The following TFDP2 variants were observed in gnomAD, a reference collection of about 807,000 sequenced individuals.
TFDP2 encodes the protein transcription factor Dp-2 (E2F dimerization partner 2).
Under a neutral mutation model 59.3 loss-of-function variants are expected in TFDP2, and 17 were observed. The ratio of observed to expected loss-of-function variants is 0.29; its 90% CI spans 0.20 to 0.43. The LOEUF is 0.43. TFDP2 is among the 20% of genes least tolerant of loss of function. The probability of loss-of-function intolerance (pLI) is 1.00; values close to 1 mark genes in which losing one functional copy is unlikely to be tolerated. For synonymous variants in TFDP2, 180 were observed against 194.7 expected (o/e 0.92, Z 0.63); for missense variants, 391 against 528.8 (o/e 0.74, Z 2.56).
intron 4 of TFDP2, among the ~76,000 whole-genome samples, chr3:142,004,334 G>T (rs140304025): frequency 8.3e-4 from 127 of 152,312 alleles, no homozygotes; most frequent in African/African-American, 2.7e-3. Flanking sequence ...TATGTTAAAA[G>T]ATATCTTTGT....
intron 11 of TFDP2, 61 bp from the exon 12 acceptor site, chr3:141,953,077 AC>A: frequency 8.2e-7 from 1 of 1,224,086 alleles, no homozygotes; most frequent in Admixed American, 1.7e-5. Flanking sequence ...TGCTGTTGTT[AC>A]AGTCTGAGGA....
At chr3:142,106,902 C>A (rs1052933660) in intron 1 of TFDP2, among the ~76,000 whole-genome samples, 4 of 152,064 alleles carry the variant, frequency 2.6e-5, no homozygotes, top group Non-Finnish European at 5.9e-5. Flanking sequence ...GAAGAAAGCA[C>A]AAAGTTATGG....
At chr3:141,954,641 A>AC (rs968429219) in intron 11 of TFDP2, among the ~76,000 whole-genome samples, 7 of 151,728 alleles carry the variant, frequency 4.6e-5, no homozygotes, top group Non-Finnish European at 7.4e-5. Context: ...AACAAAAAAA[A>AC]ACAAAAAAAC....
At chr3:142,117,521 G>T (rs985510900) in intron 1 of TFDP2, among the ~76,000 whole-genome samples, 1 of 152,070 alleles carries the variant, frequency 6.6e-6, no homozygotes, top group East Asian at 1.9e-4. Context: ...AAAAGACTCT[G>T]TGAGAAAGAG....
chr3:141,995,883 C>CAAAAAAAAAAAAAAAA (rs146557075), intron 4 of TFDP2, among the ~76,000 whole-genome samples: 1 of 67,918 alleles, frequency 1.5e-5, no homozygotes, highest in Non-Finnish European at 3.1e-5. Flanking sequence ...AACTCCATTT[C>CAAAAAAAAAAAAAAAA]AAAAAAAAAA....
intron 3 of TFDP2, among the ~76,000 whole-genome samples, chr3:142,068,838 T>C (rs1057433694): frequency 6.6e-6 from 1 of 152,136 alleles, no homozygotes; most frequent in Admixed American, 6.6e-5. Flanking sequence ...GGATTATCAG[T>C]GTGAGCCACC....
intron 3 of TFDP2, among the ~76,000 whole-genome samples, chr3:142,062,653 G>A (rs1286919932): frequency 2.0e-5 from 3 of 152,006 alleles, no homozygotes; most frequent in Admixed American, 2.0e-4. Flanking sequence ...TGTATGCCCT[G>A]TAGAAATACG....
chr3:141,978,400 C>A (rs542903425), intron 7 of TFDP2, 120 bp downstream of exon 7: 2 of 1,046,208 alleles, frequency 1.9e-6, no homozygotes, highest in Admixed American at 6.4e-5. Context: ...AACAAAAAAT[C>A]CCCCAAAATA....
chr3:142,062,854 T>C (rs2108520377), intron 3 of TFDP2, among the ~76,000 whole-genome samples: 1 of 152,272 alleles, frequency 6.6e-6, no homozygotes, highest in South Asian at 2.1e-4. Flanking sequence ...TCACAACATC[T>C]TCTTAAGCAA....
At chr3:142,038,640 C>A (rs1189245303) in intron 3 of TFDP2, among the ~76,000 whole-genome samples, 1 of 151,964 alleles carries the variant, frequency 6.6e-6, no homozygotes, top group Admixed American at 6.6e-5. Flanking sequence ...TAGAAAAGCA[C>A]ACAGGAGGAA....
intron 3 of TFDP2, among the ~76,000 whole-genome samples, chr3:142,058,323 T>G (rs530000232): frequency 3.3e-5 from 5 of 152,000 alleles, no homozygotes; most frequent in Admixed American, 6.6e-5. Flanking sequence ...GTTTGGGTTT[T>G]TTTTTTTTTT....
Position 142,005,451 on chromosome 3 carries a change from C to T in TFDP2, c.176G>A (p.Gly59Glu). The T allele has an allele frequency of 6.2e-7, 1 of 1,604,598 alleles. No individual in the cohort carries two copies. The highest frequency in any genetic ancestry group is 1.1e-5 in the South Asian group (1 of 89,330). ...KTLGPINVNV[G>E]PQMIISTPQR... ...TGATAATTTTCTTACCATTTGGGGTCCAACATTCACATTTATTGGTCCTAA... is the reference window on the plus strand; with the variant it reads ...TGATAATTTTCTTACCATTTGGGGTTCAACATTCACATTTATTGGTCCTAA... The change falls in exon 4 of 13, where the codon GGA becomes GAA. Residue 59 changes from glycine to glutamate, a missense_variant. By Grantham distance (98) the Gly-to-Glu change is moderately conservative. Transcript: ENST00000489671.
intron 3 of TFDP2, among the ~76,000 whole-genome samples, chr3:142,007,605 T>G (rs1944321848): frequency 6.6e-6 from 1 of 152,220 alleles, no homozygotes; most frequent in South Asian, 2.1e-4. Context: ...ATTATTACAC[T>G]GTAGTATATA....
intron 9 of TFDP2, among the ~76,000 whole-genome samples, chr3:141,967,776 T>A (rs1444415770): frequency 6.6e-6 from 1 of 151,954 alleles, no homozygotes; most frequent in South Asian, 2.1e-4. Context: ...TTCAAGACTT[T>A]AAAAAATAAA....
chr3:141,980,238 TAAA>T (rs199763613), intron 6 of TFDP2, among the ~76,000 whole-genome samples: 3 of 111,340 alleles, frequency 2.7e-5, no homozygotes, highest in Non-Finnish European at 5.9e-5. Flanking sequence ...GTTTCAAAAG[TAAA>T]AAAAAAAAAA....
intron 1 of TFDP2, among the ~76,000 whole-genome samples, chr3:142,146,888 G>A (rs975624413): frequency 2.6e-5 from 4 of 152,072 alleles, no homozygotes; most frequent in Admixed American, 2.0e-4. Context: ...AAGAGACAGT[G>A]AGGACACAAT....
At position 141,975,368 on chromosome 3, in the gene TFDP2, T is replaced by G. The variant is rs747239794; in HGVS notation, c.520-1177A>C. Among the ~76,000 whole-genome samples, 79 of 152,160 alleles carry G rather than the reference T, an allele frequency of 5.2e-4. 1 individual carries two copies. Among genetic ancestry groups the G allele is most frequent in the Middle Eastern group, 3.4e-3 (1 of 294 alleles). On this transcript the variant is annotated intron_variant, in intron 7 of 12. Coordinates refer to ENST00000489671, the MANE Select transcript of TFDP2 (RefSeq NM_001178139.2). ...ACTAGATCTAAATAAGTGGGGGATT[T>G]AAGTTATAGAACTGAATGTAAATAC...
intron 3 of TFDP2, among the ~76,000 whole-genome samples, chr3:142,041,906 T>C (rs1257924576): frequency 6.6e-6 from 1 of 152,192 alleles, no homozygotes; most frequent in East Asian, 1.9e-4. Context: ...CATCATTTGT[T>C]GAAAAAACCC....
chr3:141,970,382 T>C (rs1024552917), intron 8 of TFDP2, among the ~76,000 whole-genome samples: 17 of 152,246 alleles, frequency 1.1e-4, no homozygotes, highest in African/African-American at 4.1e-4. Context: ...TGAATACTTG[T>C]TAGCAGTACT....
Sources: allele counts gnomAD v4.1 joint callset (sites outside exome capture counted in the v4.1 genomes callset), GRCh38; gene constraint gnomAD v4.1.1; transcripts MANE v1.5; gene names NCBI Gene and HGNC (gene_info 2026-07-23, HGNC 2026-07-21).